SACS: variants seen among roughly 807,000 people sequenced by gnomAD.
SACS encodes the protein sacsin.
A neutral mutation model predicts 348.0 loss-of-function variants in SACS; 197 were observed. That is an observed-to-expected ratio of 0.57 (90% CI 0.50 to 0.64). The LOEUF (loss-of-function observed/expected upper bound fraction) is 0.64. Ranked by LOEUF, SACS falls within the 30% of genes least tolerant of loss-of-function variation. SACS has a pLI of 0.00. For synonymous variants in SACS, 1,985 were observed against 1,910.6 expected (o/e 1.04, Z -1.02); for missense variants, 4,999 against 5,360.8 (o/e 0.93, Z 2.11).
Position 23,330,733 on chromosome 13 carries a change from T to C in SACS, c.13143A>G (p.Ser4381=). 1 of 1,614,090 alleles carries C rather than the reference T, an allele frequency of 6.2e-7. No homozygotes were observed. Among genetic ancestry groups the C allele is most frequent in the Non-Finnish European group, 8.5e-7 (1 of 1,179,952 alleles). ...CTGACTGAAATCGGGATGCTGAGGT[T>C]GAAAATGTTCGTCTGGAGGCCCTGT... The part of the protein sequence containing the change: ...NADRASRRTF[S]TSASRFQSDK... Residue 4381 remains serine (S), a synonymous_variant, in exon 10 of 10, where the codon TCA becomes TCG. Transcript: ENST00000382292.
chr13:23,402,088 G>A (rs1034381379), intron 2 of SACS, among the ~76,000 whole-genome samples: 1 of 151,398 alleles, frequency 6.6e-6, no homozygotes, highest in African/African-American at 2.4e-5. Context: ...TGAGGCAGGA[G>A]AATGGCATGA....
At chr13:23,352,868 A>G (rs562842389) in intron 9 of SACS, among the ~76,000 whole-genome samples, 1 of 152,184 alleles carries the variant, frequency 6.6e-6, no homozygotes, top group Non-Finnish European at 1.5e-5. Context: ...ACTCCAACCT[A>G]ACTTGCCTCT....
chr13:23,414,210 A>T (rs1219520652), intron 1 of SACS, among the ~76,000 whole-genome samples: 3 of 152,222 alleles, frequency 2.0e-5, no homozygotes, highest in African/African-American at 7.2e-5. Flanking sequence ...AGGCTGAGGC[A>T]GGAGAATGGT....
At position 23,329,664 on chromosome 13, in the gene SACS, T is replaced by C; in HGVS notation, c.*472A>G. 1.9e-6 allele frequency: 1 copy of C among 527,278 alleles called. No homozygotes were observed. Among genetic ancestry groups the C allele is most frequent in the South Asian group, 3.1e-5 (1 of 32,330 alleles). The allele number at this position is 527,278 out of a possible 1,614,324, so 32.7% of individuals were successfully genotyped here. ...CAAATTCATGATCAGAGCCAGCTGA[T>C]GAGAAAATAACGCATCCAAGAGGAT... On this transcript the variant is annotated 3_prime_UTR_variant, in exon 10 of 10. Coordinates refer to ENST00000382292, the MANE Select transcript of SACS (RefSeq NM_014363.6).
intron 9 of SACS, among the ~76,000 whole-genome samples, chr13:23,347,817 A>G (rs1048823654): frequency 1.3e-5 from 2 of 152,188 alleles, no homozygotes; most frequent in African/African-American, 4.8e-5. Flanking sequence ...CACCTGAGGG[A>G]GGGACAGAAC....
At position 23,334,984 on chromosome 13, in the gene SACS, T is replaced by C. The variant is rs1868439071; in HGVS notation, c.8892A>G (p.Pro2964=). Residue 2964 remains proline (P), a synonymous_variant, in exon 10 of 10, where the codon CCA becomes CCG. Transcript: ENST00000382292. ...DTLKKFLSFF[P]VNRLDLQPDL... is the part of the protein sequence containing the mutation. Reference sequence around the variant, plus strand: ...CTGGCTGTAGATCAAGACGGTTAACTGGGAAAAACGATAAAAACTTCTTTA... The same window carrying C: ...CTGGCTGTAGATCAAGACGGTTAACCGGGAAAAACGATAAAAACTTCTTTA... The C allele has an allele frequency of 6.2e-7, 1 of 1,613,886 alleles. No homozygotes were observed. The highest frequency in any genetic ancestry group is 8.5e-7 in the Non-Finnish European group (1 of 1,179,824).
At chr13:23,429,415 T>C (rs1477710244) in intron 1 of SACS, among the ~76,000 whole-genome samples, 1 of 128,294 alleles carries the variant, frequency 7.8e-6, no homozygotes, top group Non-Finnish European at 1.6e-5. Flanking sequence ...CGGGCTGGAG[T>C]GCAGTGGTGC....
chr13:23,329,250 GTTGT>G lies in SACS; in HGVS notation c.*882_*885del. ...ACTACATGCCATATTGAAAGAAAAGGTTGTTTTTTTTTTAACTGCAGCACCTTTA... is the reference window on the plus strand; with the variant it reads ...ACTACATGCCATATTGAAAGAAAAGGTTTTTTTTTAACTGCAGCACCTTTA... On this transcript the variant is annotated 3_prime_UTR_variant, in exon 10 of 10. Transcript: ENST00000382292. The G allele has an allele frequency of 5.8e-6, 3 of 513,668 alleles. No individual in the cohort carries two copies. Among genetic ancestry groups the G allele is most frequent in the Non-Finnish European group, 1.0e-5 (3 of 291,910 alleles). The allele number at this position is 513,668 out of a possible 1,614,324, so 31.8% of individuals were successfully genotyped here. A position where few individuals can be genotyped will look rare whatever the true frequency, so the allele number is the denominator to read the frequency against.
Position 23,341,046 on chromosome 13 carries a change from A to G in SACS, c.2830T>C (p.Leu944=), listed in dbSNP as rs1348417682. 2.5e-6 allele frequency: 4 copies of G among 1,614,104 alleles called. No individual in the cohort carries two copies. Among genetic ancestry groups the G allele is most frequent in the Non-Finnish European group, 3.4e-6 (4 of 1,180,002 alleles). ...SDQGISSYTK[L]KGCKVLHHTA... ...TGGTGTAAGACTTTACAACCTTTCA[A>G]TTTTGTATAAGAGGAAATTCCCTGA... Residue 944 remains leucine (L), a synonymous_variant, in exon 10 of 10, where the codon TTG becomes CTG. Coordinates refer to ENST00000382292, the MANE Select transcript of SACS (RefSeq NM_014363.6).
At chr13:23,342,912 A>C (rs2137652948) in intron 9 of SACS, among the ~76,000 whole-genome samples, 1 of 152,372 alleles carries the variant, frequency 6.6e-6, no homozygotes, top group South Asian at 2.1e-4. Flanking sequence ...AATGGGGATG[A>C]GATTCTAGAT....
chr13:23,335,780 C>T lies in SACS; in HGVS notation c.8096G>A (p.Arg2699Lys). 1 of 1,614,012 alleles carries T rather than the reference C, an allele frequency of 6.2e-7. No individual in the cohort carries two copies. Among genetic ancestry groups the T allele is most frequent in the South Asian group, 1.1e-5 (1 of 91,070 alleles). The change falls in exon 10 of 10, where the codon AGA (arginine) becomes AAA (lysine). Residue 2699 changes from arginine to lysine, a missense_variant. Transcript: ENST00000382292. This position sits in a 1 kb window ranked among gnomAD's most constrained non-coding sequence, Gnocchi z 4.7. ...HFKLDNCTMF[R>K]FPLRNAEMAK... ...CATTTCTGCATTACGAAGAGGAAAT[C>T]TGAACATTGTGCAATTATCCAGTTT...
chr13:23,333,502 G>C lies in SACS; in HGVS notation c.10374C>G (p.His3458Gln), dbSNP rs1188319423. Residue 3458 changes from histidine to glutamine, a missense_variant, in exon 10 of 10, where the codon CAC becomes CAG. Around this residue, in one of 6 missense-constraint regions of SACS, gnomAD observed 734 missense variants for 694.0 expected, o/e 1.06. Transcript: ENST00000382292. Reference sequence around the variant, plus strand: ...CAATCACCTCATATAGTTCTTTTAAGTGTATTTTTTCTTCAAGAAATGCAG... The same window carrying C: ...CAATCACCTCATATAGTTCTTTTAACTGTATTTTTTCTTCAAGAAATGCAG... Reference protein sequence around the residue: ...SSSAFLEEKIHLKELYEVIGC... With the variant: ...SSSAFLEEKIQLKELYEVIGC... 6 of 1,613,168 alleles carry C rather than the reference G, an allele frequency of 3.7e-6. No individual in the cohort carries two copies. Among genetic ancestry groups the C allele is most frequent in the Non-Finnish European group, 5.1e-6 (6 of 1,179,518 alleles).
chr13:23,379,120 G>A (rs557139798), intron 2 of SACS, among the ~76,000 whole-genome samples: 2 of 152,164 alleles, frequency 1.3e-5, no homozygotes, highest in South Asian at 2.1e-4. Context: ...GTAGTGAATC[G>A]AGGGTGTGAC....
rs1431899233 is a variant in SACS, at chr13:23,334,619, G to A, written c.9257C>T (p.Ala3086Val). 3 of 1,613,434 alleles carry A rather than the reference G, an allele frequency of 1.9e-6. No homozygotes were observed. Among genetic ancestry groups the A allele is most frequent in the African/African-American group, 2.7e-5 (2 of 75,020 alleles). ...TANLYHCLID[A>V]DIPVSYVTPA... is the part of the protein sequence containing the mutation. ...GGTCACATAACTAACAGGAATATCT[G>A]CATCTATAAGACAGTGGTAAAGATT... The change falls in exon 10 of 10, where the codon GCA becomes GTA. Residue 3086 changes from alanine (A) to valine (V), a missense_variant. Around this residue, in one of 6 missense-constraint regions of SACS, gnomAD observed 734 missense variants for 694.0 expected, o/e 1.06. Coordinates refer to ENST00000382292, the MANE Select transcript of SACS (RefSeq NM_014363.6).
At chr13:23,375,467 C>T in intron 2 of SACS, 198 bp from the exon 3 acceptor site, 2 of 1,168,946 alleles carry the variant, frequency 1.7e-6, no homozygotes, top group Non-Finnish European at 2.1e-6. Context: ...GGGCGGGATC[C>T]GCATGGCGCA....
At position 23,338,519 on chromosome 13, in the gene SACS, T is replaced by C. The variant is rs1233934481; in HGVS notation, c.5357A>G (p.Asp1786Gly). ...TTCAAAGAGAGCAGCTGGGTCATCATCTGGACCTCTAAAAAGTGGCGACTG... is the reference window on the plus strand; with the variant it reads ...TTCAAAGAGAGCAGCTGGGTCATCACCTGGACCTCTAAAAAGTGGCGACTG... ...DLQSPLFRGP[D>G]DDPAALFEMA... is the part of the protein sequence containing the mutation. The change falls in exon 10 of 10, where the codon GAT becomes GGT. Residue 1786 changes from aspartate to glycine, a missense_variant. Physicochemically the swap from Asp to Gly is moderately conservative, Grantham distance 94. Transcript: ENST00000382292. 1.9e-6 allele frequency: 3 copies of C among 1,614,204 alleles called. No homozygotes were observed. The highest frequency in any genetic ancestry group is 2.2e-5 in the East Asian group (1 of 44,880).
rs1356660915 is a variant in SACS, at chr13:23,415,582, C to T, written c.-501-3842G>A. On this transcript the variant is annotated intron_variant, in intron 1 of 9. Transcript: ENST00000382292. ...ATCATTCTTTTCTCAAAATACAGCC[C>T]TTGATGAATCACTCTCATAATTTGT... Among the ~76,000 whole-genome samples, 3 of 152,186 alleles carry T rather than the reference C, an allele frequency of 2.0e-5. No individual in the cohort carries two copies. In the East Asian group the frequency reaches 5.8e-4, roughly 29 times the overall value.
At chr13:23,392,113 G>A (rs1008813) in intron 2 of SACS, among the ~76,000 whole-genome samples, 76,512 of 152,106 alleles carry the variant, frequency 0.5, 19,906 homozygotes, top group East Asian at 0.8. Context: ...CCAACTTGAC[G>A]AGGACCTCAG....
Position 23,330,845 on chromosome 13 carries a change from T to G in SACS, c.13031A>C (p.Asn4344Thr). 1.2e-6 allele frequency: 2 copies of G among 1,614,094 alleles called. No homozygotes were observed. The highest frequency in any genetic ancestry group is 2.2e-5 in the South Asian group (2 of 91,084). ...AAAAACTTCATTGGCAATGTCATGG[T>G]TCTCTGGATTTTTGTCAGGATGCCA... ...LKWHPDKNPENHDIANEVFKH... is the reference protein window; with the variant it reads ...LKWHPDKNPETHDIANEVFKH... The change falls in exon 10 of 10, where the codon AAC becomes ACC. Residue 4344 changes from asparagine to threonine, a missense_variant. By Grantham distance (65) the Asn-to-Thr change is moderately conservative (BLOSUM62 0). Around this residue, in one of 6 missense-constraint regions of SACS, gnomAD observed 254 missense variants for 275.1 expected, o/e 0.92. Coordinates refer to ENST00000382292, the MANE Select transcript of SACS (RefSeq NM_014363.6).
Sources: allele counts gnomAD v4.1 joint callset (sites outside exome capture counted in the v4.1 genomes callset), GRCh38; gene constraint gnomAD v4.1.1; regional missense constraint gnomAD v4.1.1; non-coding constraint Gnocchi (gnomAD v3.1); transcripts MANE v1.5; gene names NCBI Gene and HGNC (gene_info 2026-07-23, HGNC 2026-07-21).